SLC5A8: variants seen among roughly 807,000 people sequenced by gnomAD.
The protein encoded by SLC5A8 is sodium-coupled monocarboxylate transporter 1.
SLC5A8 carries 55 observed loss-of-function variants against 71.9 expected under a neutral mutation model. That is an observed-to-expected ratio of 0.77 (90% CI 0.62 to 0.96). The LOEUF is 0.96. Ranked by LOEUF, SLC5A8 falls within the 40% of genes least tolerant of loss-of-function variation. The pLI is 0.00. For missense variants in SLC5A8, 701 were observed against 745.3 expected (o/e 0.94, Z 0.69); for synonymous variants, 307 against 276.1 (o/e 1.11, Z -1.11).
At chr12:101,201,988 T>C (rs1869473092) in intron 3 of SLC5A8, among the ~76,000 whole-genome samples, 176 bp downstream of exon 3, 1 of 152,070 alleles carries the variant, frequency 6.6e-6, no homozygotes, top group South Asian at 2.1e-4. Flanking sequence ...GAGCTGTCCA[T>C]CCAAAAACCC....
In SLC5A8 at chr12:101,209,905, G is replaced by A. The variant is rs545459561; in HGVS notation, c.-57C>T. 2 of 1,417,726 alleles carry A rather than the reference G, an allele frequency of 1.4e-6. No homozygotes were observed. Among genetic ancestry groups the A allele is most frequent in the Admixed American group, 2.8e-5 (1 of 36,100 alleles). The allele number at this position is 1,417,726 out of a possible 1,614,324, so 87.8% of individuals were successfully genotyped here. ...ACTGGTGGCCCCGCGGCGCGCAGCCGGAGCCCGGCGCGCACTTCTTATCCC... is the reference window on the plus strand; with the variant it reads ...ACTGGTGGCCCCGCGGCGCGCAGCCAGAGCCCGGCGCGCACTTCTTATCCC... On this transcript the variant is annotated 5_prime_UTR_variant, in exon 1 of 15. Transcript: ENST00000536262.
intron 13 of SLC5A8, among the ~76,000 whole-genome samples, 172 bp from the exon 14 acceptor site, chr12:101,158,500 T>C (rs1261556200): frequency 2.0e-4 from 29 of 145,526 alleles, no homozygotes; most frequent in African/African-American, 7.0e-4. Context: ...CAATTCCCCT[T>C]TCCTTAATTA....
chr12:101,177,446 C>G (rs1279283524), intron 10 of SLC5A8, among the ~76,000 whole-genome samples: 3 of 74,592 alleles, frequency 4.0e-5, no homozygotes, highest in African/African-American at 1.8e-4. Context: ...GCAGTATATA[C>G]ACACACACAC....
At chr12:101,208,706 G>A (rs773084139) in intron 1 of SLC5A8, among the ~76,000 whole-genome samples, 1 of 152,178 alleles carries the variant, frequency 6.6e-6, no homozygotes, top group African/African-American at 2.4e-5. Context: ...GAACCTTGCT[G>A]CCTAATTTTC....
Position 101,155,853 on chromosome 12 carries a change from A to G in SLC5A8, c.*1426T>C, listed in dbSNP as rs1468080966. The G allele has an allele frequency of 6.6e-6, 1 of 151,334 alleles. No homozygotes were observed. 9.4% of individuals were successfully genotyped at this position (151,334 alleles called of 1,614,324 possible). On this transcript the variant is annotated 3_prime_UTR_variant, in exon 15 of 15. Coordinates refer to ENST00000536262, the MANE Select transcript of SLC5A8 (RefSeq NM_145913.5). ...GTCAGTTAGCAACCTCTAAATGTACAGGGCATGATTACCTAAATAACACGT... is the reference window on the plus strand; with the variant it reads ...GTCAGTTAGCAACCTCTAAATGTACGGGGCATGATTACCTAAATAACACGT...
chr12:101,179,330 A>C (rs551582348), intron 10 of SLC5A8, among the ~76,000 whole-genome samples: 239 of 152,360 alleles, frequency 1.6e-3, no homozygotes, highest in African/African-American at 5.6e-3. Flanking sequence ...TTATGCTCAC[A>C]CAAAAACCTT....
chr12:101,184,603 C>T (rs924141178), intron 7 of SLC5A8, among the ~76,000 whole-genome samples: 9 of 152,178 alleles, frequency 5.9e-5, no homozygotes, highest in African/African-American at 2.2e-4. Flanking sequence ...AAAGTAGTTG[C>T]TATTCTTGAG....
intron 10 of SLC5A8, among the ~76,000 whole-genome samples, chr12:101,168,647 C>G (rs2051796503): frequency 6.6e-6 from 1 of 152,034 alleles, no homozygotes; most frequent in Non-Finnish European, 1.5e-5. Context: ...AAGGATGAAA[C>G]TAGAATGAGA....
In SLC5A8 at chr12:101,157,343, G is replaced by A. The variant is rs908258766; in HGVS notation, c.1769C>T (p.Pro590Leu). 12 of 1,612,922 alleles carry A rather than the reference G, an allele frequency of 7.4e-6. No homozygotes were observed. The highest frequency in any genetic ancestry group is 1.0e-5 in the Non-Finnish European group (12 of 1,179,518). The change falls in exon 15 of 15, where the codon CCT (proline) becomes CTT (leucine). Residue 590 changes from proline (P) to leucine (L), a missense_variant. Transcript: ENST00000536262. ...HPVEDGGTDN[P>L]AFNHIELNSD... Reference sequence around the variant, plus strand: ...GTTCAATTCAATGTGGTTGAAAGCAGGATTATCAGTTCCACCATCTTCCAC... The same window carrying A: ...GTTCAATTCAATGTGGTTGAAAGCAAGATTATCAGTTCCACCATCTTCCAC...
At chr12:101,184,024 G>A in intron 8 of SLC5A8, 110 bp downstream of exon 8, 2 of 1,021,528 alleles carry the variant, frequency 2.0e-6, no homozygotes, top group Admixed American at 2.2e-5. Context: ...TGCCTACTTT[G>A]GGCCATCTGT....
At position 101,175,284 on chromosome 12, in the gene SLC5A8, G is replaced by A. The variant is rs115382950; in HGVS notation, c.1233+4745C>T. On this transcript the variant is annotated intron_variant, in intron 10 of 14. Coordinates refer to ENST00000536262, the MANE Select transcript of SLC5A8 (RefSeq NM_145913.5). Reference sequence around the variant, plus strand: ...ACTGAACAATAGAGAGAAATGAAATGAAGAAATATAAAATAAACTTCAGGG... The same window carrying A: ...ACTGAACAATAGAGAGAAATGAAATAAAGAAATATAAAATAAACTTCAGGG... 2.5e-3 allele frequency among the ~76,000 whole-genome samples: 380 copies of A among 151,974 alleles called. 3 individuals carry two copies. Among genetic ancestry groups the A allele is most frequent in the African/African-American group, 8.8e-3 (364 of 41,470 alleles).
At chr12:101,209,450 T>G in intron 1 of SLC5A8, 48 bp downstream of exon 1, 1 of 1,445,762 alleles carries the variant, frequency 6.9e-7, no homozygotes, top group Non-Finnish European at 9.3e-7. Context: ...GTCTGCAGAG[T>G]CCCCTTCCCC....
intron 3 of SLC5A8, among the ~76,000 whole-genome samples, chr12:101,197,484 A>G (rs1190768756): frequency 6.6e-6 from 1 of 152,214 alleles, no homozygotes; most frequent in Admixed American, 6.5e-5. Flanking sequence ...TACTACTAGT[A>G]AACTACTACC....
At chr12:101,170,877 C>T (rs1299246063) in intron 10 of SLC5A8, among the ~76,000 whole-genome samples, 1 of 152,188 alleles carries the variant, frequency 6.6e-6, no homozygotes, top group Non-Finnish European at 1.5e-5. Context: ...CCCTGTGGTG[C>T]TCGCGTGTTT....
At chr12:101,208,449 T>G (rs1406781763) in intron 1 of SLC5A8, among the ~76,000 whole-genome samples, 4 of 152,130 alleles carry the variant, frequency 2.6e-5, no homozygotes, top group Admixed American at 6.5e-5. Context: ...GCTTGTCCCA[T>G]GTAGCTCAAG....
Position 101,210,178 on chromosome 12 carries a change from C to CT in SLC5A8, c.-331dup. 1 of 316,562 alleles carries CT rather than the reference C, an allele frequency of 3.2e-6. No homozygotes were observed. The highest frequency in any genetic ancestry group is 1.5e-4 in the South Asian group (1 of 6,688). The allele number at this position is 316,562 out of a possible 1,614,324, so 19.6% of individuals were successfully genotyped here. A position where few individuals can be genotyped will look rare whatever the true frequency, so the allele number is the denominator to read the frequency against. Reference sequence around the variant, plus strand: ...CCGGGGACACCTGAGCAGATGAGAACTGGAGCCTCCAGCTGCTTCCAGCGA... The same window carrying CT: ...CCGGGGACACCTGAGCAGATGAGAACTTGGAGCCTCCAGCTGCTTCCAGCGA... On this transcript the variant is annotated 5_prime_UTR_variant, in exon 1 of 15. Transcript: ENST00000536262.
intron 8 of SLC5A8, among the ~76,000 whole-genome samples, chr12:101,183,918 T>C (rs1169424473): frequency 6.6e-6 from 1 of 152,072 alleles, no homozygotes; most frequent in Non-Finnish European, 1.5e-5. Flanking sequence ...GGTGGTGTAT[T>C]AGAGAGCAGG....
At chr12:101,167,828 C>T (rs370157906) in intron 11 of SLC5A8, among the ~76,000 whole-genome samples, 3 of 152,254 alleles carry the variant, frequency 2.0e-5, no homozygotes, top group Non-Finnish European at 2.9e-5. Context: ...CAAGTAGGTA[C>T]GTGCATAAAA....
At chr12:101,206,629 A>G (rs561560786) in intron 1 of SLC5A8, among the ~76,000 whole-genome samples, 14 of 152,222 alleles carry the variant, frequency 9.2e-5, no homozygotes, top group Non-Finnish European at 1.9e-4. Flanking sequence ...AGCCTTAGGG[A>G]ATACTTGTAA....
Sources: allele counts gnomAD v4.1 joint callset (sites outside exome capture counted in the v4.1 genomes callset), GRCh38; gene constraint gnomAD v4.1.1; transcripts MANE v1.5; gene names NCBI Gene and HGNC (gene_info 2026-07-23, HGNC 2026-07-21).